Variants in DHX9 observed in about 807,000 individuals in gnomAD.
DHX9 encodes ATP-dependent RNA helicase A.
Under a neutral mutation model 148.7 loss-of-function variants are expected in DHX9, and 27 were observed. The observed-to-expected ratio is 0.18, with a 90% CI of 0.13 to 0.25. The LOEUF (loss-of-function observed/expected upper bound fraction) is 0.25. DHX9 is among the 10% of genes least tolerant of loss of function. The pLI, the probability that DHX9 is intolerant of heterozygous loss-of-function variation, is 1.00. For synonymous variants in DHX9, 529 were observed against 516.6 expected (o/e 1.02, Z -0.33); for missense variants, 796 against 1,559.6 (o/e 0.51, Z 8.25).
intron 3 of DHX9, among the ~76,000 whole-genome samples, chr1:182,850,301 T>C (rs1668112984): frequency 6.6e-6 from 1 of 151,930 alleles, no homozygotes; most frequent in Non-Finnish European, 1.5e-5. Context: ...AGACCCTGTC[T>C]CAAAAAAAAG....
In DHX9 at chr1:182,887,253, G is replaced by C. The variant is rs41272526; in HGVS notation, c.3632G>C (p.Gly1211Ala). 1.2e-6 allele frequency: 2 copies of C among 1,614,190 alleles called. No individual in the cohort carries two copies. Among genetic ancestry groups the C allele is most frequent in the Non-Finnish European group, 1.7e-6 (2 of 1,180,042 alleles). The change falls in exon 28 of 28, where the codon GGT (glycine) becomes GCT (alanine). Residue 1211 changes from glycine to alanine, a missense_variant. By Grantham distance (60) the Gly-to-Ala change is moderately conservative. This residue lies in a region of DHX9 where 98 missense variants were observed against 105.5 expected (regional missense o/e 0.93). Coordinates refer to ENST00000367549, the MANE Select transcript of DHX9 (RefSeq NM_001357.5). ...GCCAACTCCTTTCGGGCAGGATATGGTGCAGGTGTTGGTGGAGGCTATAGA... is the reference window on the plus strand; with the variant it reads ...GCCAACTCCTTTCGGGCAGGATATGCTGCAGGTGTTGGTGGAGGCTATAGA... ...GSANSFRAGY[G>A]AGVGGGYRGV...
chr1:182,885,565 G>T (rs1649282367), intron 27 of DHX9, among the ~76,000 whole-genome samples: 1 of 152,088 alleles, frequency 6.6e-6, no homozygotes, highest in Non-Finnish European at 1.5e-5. Flanking sequence ...ATATACTAAG[G>T]TACTAAAATT....
chr1:182,857,446 G>C (rs952634242), intron 7 of DHX9, among the ~76,000 whole-genome samples: 1 of 152,178 alleles, frequency 6.6e-6, no homozygotes, highest in South Asian at 2.1e-4. Context: ...CAGATCCAGC[G>C]TACTGCCTGT....
At chr1:182,881,166 A>G in intron 22 of DHX9, 98 bp from the exon 23 acceptor site, 1 of 1,186,252 alleles carries the variant, frequency 8.4e-7, no homozygotes, top group East Asian at 2.5e-5. Flanking sequence ...GTAGAATCAT[A>G]GCCATAAAGA....
chr1:182,880,215 C>T (rs112755388), intron 21 of DHX9, among the ~76,000 whole-genome samples: 46 of 152,060 alleles, frequency 3.0e-4, no homozygotes, highest in African/African-American at 9.4e-4. Flanking sequence ...TAGAAACTTA[C>T]GCTGCTATTA....
At chr1:182,864,750 G>A (rs1360768250) in intron 12 of DHX9, among the ~76,000 whole-genome samples, 2 of 152,104 alleles carry the variant, frequency 1.3e-5, no homozygotes, top group African/African-American at 2.4e-5. Flanking sequence ...GAGAAATTCA[G>A]CAAAAAAGTG....
chr1:182,880,261 G>A (rs1571321330), intron 21 of DHX9, among the ~76,000 whole-genome samples: 1 of 152,098 alleles, frequency 6.6e-6, no homozygotes, highest in South Asian at 2.1e-4. Context: ...CATATGAATT[G>A]TATTTGTTTT....
intron 14 of DHX9, among the ~76,000 whole-genome samples, chr1:182,871,471 C>T (rs185169901): frequency 1.3e-5 from 2 of 152,284 alleles, no homozygotes. Flanking sequence ...TAAGCATTAC[C>T]TTCCGAAGTT....
intron 27 of DHX9, among the ~76,000 whole-genome samples, chr1:182,885,948 C>G (rs1649301313): frequency 6.6e-6 from 1 of 152,088 alleles, no homozygotes; most frequent in Non-Finnish European, 1.5e-5. Context: ...TAATCTGTTT[C>G]TATGAAGGAT....
rs570108215 is a variant in DHX9 at position 182,849,933 on chromosome 1, G to A, written c.253-2300G>A. Among the ~76,000 whole-genome samples the A allele has an allele frequency of 3.0e-3, 345 of 114,286 alleles. 1 individual carries two copies. The highest frequency in any genetic ancestry group is 5.6e-3 in the Non-Finnish European group (292 of 51,716). 75.0% of individuals were successfully genotyped at this position (114,286 alleles called of 152,430 possible). A position where few individuals can be genotyped will look rare whatever the true frequency, so the allele number is the denominator to read the frequency against. On this transcript the variant is annotated intron_variant, in intron 3 of 27. Transcript: ENST00000367549. ...CCATTATAACTTTATTTTTACTTGTGTTTTTTGCCATATCAAAAAAACTGG... is the reference window on the plus strand; with the variant it reads ...CCATTATAACTTTATTTTTACTTGTATTTTTTGCCATATCAAAAAAACTGG...
intron 26 of DHX9, among the ~76,000 whole-genome samples, chr1:182,884,165 T>G (rs113456367): frequency 4.5e-4 from 69 of 152,198 alleles, no homozygotes; most frequent in African/African-American, 1.3e-3. Flanking sequence ...TCCCAGCTAT[T>G]CTGGAGGCTG....
chr1:182,853,223 C>T, intron 4 of DHX9, 83 bp from the exon 5 acceptor site: 3 of 983,292 alleles, frequency 3.1e-6, no homozygotes, highest in Admixed American at 2.2e-5. Flanking sequence ...CCATGCCCGG[C>T]CATAAATTAG....
At chr1:182,843,709 G>A (rs1451161214) in intron 3 of DHX9, among the ~76,000 whole-genome samples, 3 of 152,056 alleles carry the variant, frequency 2.0e-5, no homozygotes, top group African/African-American at 4.8e-5. Context: ...AAATTTCAGA[G>A]TCTGTTATGT....
At chr1:182,874,708 A>T (rs1335998511) in intron 15 of DHX9, 146 bp from the exon 16 acceptor site, 1 of 648,452 alleles carries the variant, frequency 1.5e-6, no homozygotes, top group African/African-American at 1.8e-5. Context: ...AAATAAGGTT[A>T]TTGCTACTGG....
chr1:182,856,049 A>G (rs780067397), intron 6 of DHX9, among the ~76,000 whole-genome samples: 1 of 152,228 alleles, frequency 6.6e-6, no homozygotes, highest in Non-Finnish European at 1.5e-5. Context: ...AGCCACTGAT[A>G]TGCACAAAGT....
chr1:182,840,206 C>CG (rs1286174359), intron 1 of DHX9, among the ~76,000 whole-genome samples: 4 of 150,756 alleles, frequency 2.7e-5, no homozygotes, highest in Admixed American at 2.0e-4. Flanking sequence ...TGGGGAGAAA[C>CG]GAATGGATAG....
At position 182,878,171 on chromosome 1, in the gene DHX9, G is replaced by C. The variant is rs756896676; in HGVS notation, c.2349G>C (p.Glu783Asp). Residue 783 changes from glutamate to aspartate, a missense_variant and splice_region_variant, in exon 20 of 28, where the codon GAG becomes GAC. This residue lies in a region of DHX9 where 122 missense variants were observed against 289.3 expected (regional missense o/e 0.42). Transcript: ENST00000367549. Reference protein sequence around the residue: ...CFHLCSRARFERLETHMTPEM... With the variant: ...CFHLCSRARFDRLETHMTPEM... Reference sequence around the variant, plus strand: ...ACCTGTGCAGCCGAGCTCGTTTTGAGAGGTAAGACCCATTCTTGACCTTTA... The same window carrying C: ...ACCTGTGCAGCCGAGCTCGTTTTGACAGGTAAGACCCATTCTTGACCTTTA... 1.2e-6 allele frequency: 2 copies of C among 1,614,156 alleles called. No individual in the cohort carries two copies. The highest frequency in any genetic ancestry group is 3.3e-5 in the Admixed American group (2 of 60,016).
At chr1:182,860,224 C>A in intron 12 of DHX9, 40 bp downstream of exon 12, 1 of 1,430,298 alleles carries the variant, frequency 7.0e-7, no homozygotes, top group South Asian at 1.5e-5. Context: ...AGAGAGCAGA[C>A]TATTTCTGAT....
In DHX9 at chr1:182,877,967, A is replaced by G. The variant is rs577905700; in HGVS notation, c.2199-54A>G. ...GCATTCACTACTTAGTGGATATATA[A>G]TAGTTATTGATAATACACATGAGTC... On this transcript the variant is annotated intron_variant, in intron 19 of 27. Coordinates refer to ENST00000367549, the MANE Select transcript of DHX9 (RefSeq NM_001357.5). 307 of 1,595,438 alleles carry G rather than the reference A, an allele frequency of 1.9e-4. 1 individual carries two copies. The Middle Eastern group carries it at 2.2e-3, about 11-fold the overall frequency.
Sources: allele counts gnomAD v4.1 joint callset (sites outside exome capture counted in the v4.1 genomes callset), GRCh38; gene constraint gnomAD v4.1.1; regional missense constraint gnomAD v4.1.1; transcripts MANE v1.5; gene names NCBI Gene and HGNC (gene_info 2026-07-23, HGNC 2026-07-21).